The following DMAP1 variants were observed in gnomAD, a reference collection of about 807,000 sequenced individuals.
DMAP1 encodes the protein DNA methyltransferase 1-associated protein 1.
In DMAP1, 26 loss-of-function variants were observed where a neutral mutation model predicts 52.7. The observed-to-expected ratio is 0.49, with a 90% confidence interval of 0.36 to 0.68. The LOEUF (loss-of-function observed/expected upper bound fraction) is 0.68, where lower values mean the gene tolerates loss of function less well. Among genes scored for constraint, DMAP1 ranks in the 30% least tolerant of loss-of-function variants. The probability of loss-of-function intolerance (pLI) is 0.00; values close to 1 mark genes in which losing one functional copy is unlikely to be tolerated. For missense variants in DMAP1, 439 were observed against 625.2 expected (o/e 0.70, Z 3.18); for synonymous variants, 231 against 246.0 (o/e 0.94, Z 0.57).
intron 3 of DMAP1, chr1:44,216,936 C>T (rs1329148038): frequency 6.6e-6 from 1 of 152,136 alleles, no homozygotes; most frequent in Non-Finnish European, 1.5e-5. Context: ...CTAGAAGATG[C>T]TTTATCTTAG....
At chr1:44,220,483 C>A (rs1318061515) in intron 9 of DMAP1, 76 bp from the exon 10 acceptor site, 21 of 1,611,762 alleles carry the variant, frequency 1.3e-5, no homozygotes, top group Non-Finnish European at 1.6e-5. Context: ...TGTCCCTGAG[C>A]GTGTGAAGCA....
rs1477598004 is a variant in DMAP1, at chr1:44,214,633, C to T, written c.198-70C>T. ...TGCTATAGGGTAGGGTAGATCAGCT[C>T]CCTGGGACAAAAAGCTCTTTAACAC... On this transcript the variant is annotated intron_variant, in intron 2 of 9. Transcript: ENST00000372289. 13 of 1,613,210 alleles carry T rather than the reference C, an allele frequency of 8.1e-6. No homozygotes were observed. The Admixed American group carries it at 1.7e-4, about 21-fold the overall frequency.
At position 44,219,971 on chromosome 1, in the gene DMAP1, C is replaced by T. The variant is rs116432610; in HGVS notation, c.1052-46C>T. On this transcript the variant is annotated intron_variant, in intron 8 of 9. Coordinates refer to ENST00000372289, the MANE Select transcript of DMAP1 (RefSeq NM_019100.5). ...GAGGGGAGTTCACATTGCTGGCCCT[C>T]TACCACACCTGGGCTCTGCCCGTGC... The T allele has an allele frequency of 1.4e-3, 2,320 of 1,605,040 alleles. 22 individuals are homozygous for T. In the African/African-American group the frequency reaches 0.025, roughly 17 times the overall value.
Position 44,218,907 on chromosome 1 carries a change from C to T in DMAP1, c.721-149C>T. On this transcript the variant is annotated intron_variant, in intron 5 of 9. Coordinates refer to ENST00000372289, the MANE Select transcript of DMAP1 (RefSeq NM_019100.5). This position sits in a 1 kb window ranked among gnomAD's most constrained non-coding sequence, Gnocchi z 5.6. ...AAGCCCATTCCTACTTCTCATGGGC[C>T]ATCCCCCCTGCTTTTCATAGCCCTT... The T allele has an allele frequency of 7.2e-7, 1 of 1,390,184 alleles. No homozygotes were observed. The highest frequency in any genetic ancestry group is 2.4e-5 in the East Asian group (1 of 42,366). The allele number at this position is 1,390,184 out of a possible 1,614,324, so 86.1% of individuals were successfully genotyped here.
chr1:44,219,399 C>T lies in DMAP1; in HGVS notation c.907-7C>T. The T allele has an allele frequency of 6.3e-7, 1 of 1,578,054 alleles. No individual in the cohort carries two copies. The highest frequency in any genetic ancestry group is 8.6e-7 in the Non-Finnish European group (1 of 1,165,728). Reference sequence around the variant, plus strand: ...CACCTTGGTCTCCATAATGCCTTCTCCCCCAGGCTGTTCCTGAGACTGCAG... The same window carrying T: ...CACCTTGGTCTCCATAATGCCTTCTTCCCCAGGCTGTTCCTGAGACTGCAG... On this transcript the variant is annotated splice_polypyrimidine_tract_variant and splice_region_variant and intron_variant, in intron 6 of 9. Coordinates refer to ENST00000372289, the MANE Select transcript of DMAP1 (RefSeq NM_019100.5).
intron 2 of DMAP1, 88 bp from the exon 3 acceptor site, chr1:44,214,615 G>A (rs771493464): frequency 1.2e-6 from 2 of 1,613,352 alleles, no homozygotes; most frequent in Non-Finnish European, 1.7e-6. Flanking sequence ...TCTTGCTATA[G>A]GGTAGGGTAG....
Position 44,218,208 on chromosome 1 carries a change from G to C in DMAP1, c.394-103G>C, listed in dbSNP as rs747608953. 4 of 1,502,508 alleles carry C rather than the reference G, an allele frequency of 2.7e-6. No individual in the cohort carries two copies. The highest frequency in any genetic ancestry group is 1.7e-5 in the Admixed American group (1 of 59,860). 93.1% of individuals were successfully genotyped at this position (1,502,508 alleles called of 1,614,324 possible). Reference sequence around the variant, plus strand: ...TCCATGCTGCAGGGGCACAGGCCCAGGGTCTGGCAACAAACAGGAGCAGCT... The same window carrying C: ...TCCATGCTGCAGGGGCACAGGCCCACGGTCTGGCAACAAACAGGAGCAGCT... On this transcript the variant is annotated intron_variant, in intron 3 of 9. Coordinates refer to ENST00000372289, the MANE Select transcript of DMAP1 (RefSeq NM_019100.5). This position sits in a 1 kb window ranked among gnomAD's most constrained non-coding sequence, Gnocchi z 5.6.
At position 44,219,887 on chromosome 1, in the gene DMAP1, G is replaced by C; in HGVS notation, c.1051+9G>C. 1 of 1,614,174 alleles carries C rather than the reference G, an allele frequency of 6.2e-7. No homozygotes were observed. Among genetic ancestry groups the C allele is most frequent in the Non-Finnish European group, 8.5e-7 (1 of 1,180,032 alleles). On this transcript the variant is annotated intron_variant, in intron 8 of 9. Coordinates refer to ENST00000372289, the MANE Select transcript of DMAP1 (RefSeq NM_019100.5). The stretch of plus-strand genomic sequence containing the variant: ...GCTGGAGCTTGGTGTGGGTGAGTGT[G>C]GGGACTGGGCCCCATAGGGTGTACC...
At chr1:44,215,172 C>T (rs1440755604) in intron 3 of DMAP1, 1 of 588,418 alleles carries the variant, frequency 1.7e-6, no homozygotes, top group Admixed American at 2.2e-5. Flanking sequence ...CCTAGGTGCT[C>T]TAGTCTTCTT....
rs775842817 is a variant in DMAP1, at chr1:44,213,737, C to A, written c.-17C>A. The A allele has an allele frequency of 6.4e-7, 1 of 1,563,054 alleles. No individual in the cohort carries two copies. Among genetic ancestry groups the A allele is most frequent in the South Asian group, 1.2e-5 (1 of 84,660 alleles). ...CTGACCCTTGACCTCCGGTGGCTCC[C>A]CCATCTCTCAGGCGCGATGGCTACG... On this transcript the variant is annotated 5_prime_UTR_variant, in exon 1 of 10. Coordinates refer to ENST00000372289, the MANE Select transcript of DMAP1 (RefSeq NM_019100.5). The surrounding 1 kb of genome is among the most constrained non-coding windows in gnomAD (Gnocchi z 4.5).
chr1:44,218,204 C>T lies in DMAP1; in HGVS notation c.394-107C>T. 1.4e-6 allele frequency: 2 copies of T among 1,479,818 alleles called. No individual in the cohort carries two copies. Among genetic ancestry groups the T allele is most frequent in the Non-Finnish European group, 1.9e-6 (2 of 1,058,790 alleles). The allele number at this position is 1,479,818 out of a possible 1,614,324, so 91.7% of individuals were successfully genotyped here. ...TCACTCCATGCTGCAGGGGCACAGGCCCAGGGTCTGGCAACAAACAGGAGC... is the reference window on the plus strand; with the variant it reads ...TCACTCCATGCTGCAGGGGCACAGGTCCAGGGTCTGGCAACAAACAGGAGC... On this transcript the variant is annotated intron_variant, in intron 3 of 9. Transcript: ENST00000372289. The surrounding 1 kb of genome is among the most constrained non-coding windows in gnomAD (Gnocchi z 5.6).
In DMAP1 at chr1:44,215,145, G is replaced by C. The variant is rs1314721976; in HGVS notation, c.393+247G>C. On this transcript the variant is annotated intron_variant, in intron 3 of 9. Coordinates refer to ENST00000372289, the MANE Select transcript of DMAP1 (RefSeq NM_019100.5). ...TTTTCTTGGTCTTTCAAATGTTGCT[G>C]TTCCTCAGAGCTGTATCCTAGGTGC... 6 of 637,558 alleles carry C rather than the reference G, an allele frequency of 9.4e-6. No homozygotes were observed. The Admixed American group carries it at 1.0e-4, about 11-fold the overall frequency. The allele number at this position is 637,558 out of a possible 1,614,324, so 39.5% of individuals were successfully genotyped here.
At position 44,213,655 on chromosome 1, in the gene DMAP1, C is replaced by T. The variant is rs2154314098; in HGVS notation, c.-99C>T. ...CTTGGCCCGCCCCTTCAACTCGCCT[C>T]CGCTTAGGTCTGGATTGGCCCCGCC... is the stretch of plus-strand genomic sequence containing the variant. On this transcript the variant is annotated 5_prime_UTR_variant, in exon 1 of 10. Transcript: ENST00000372289. This position sits in a 1 kb window ranked among gnomAD's most constrained non-coding sequence, Gnocchi z 4.5. 1 of 1,116,454 alleles carries T rather than the reference C, an allele frequency of 9.0e-7. No homozygotes were observed. The highest frequency in any genetic ancestry group is 2.6e-5 in the East Asian group (1 of 38,580). The allele number at this position is 1,116,454 out of a possible 1,614,324, so 69.2% of individuals were successfully genotyped here. A position where few individuals can be genotyped will look rare whatever the true frequency, so the allele number is the denominator to read the frequency against.
In DMAP1 at chr1:44,219,466, C is replaced by A; in HGVS notation, c.967C>A (p.Arg323=). The part of the protein sequence containing the change: ...PDFKSAGVTL[R]SQRMKLPSSV... The stretch of plus-strand genomic sequence containing the variant: ...CTTCAAGTCTGCAGGTGTCACGCTG[C>A]GGAGCCAACGGGTACGTGAGTCACC... The change falls in exon 7 of 10, where the codon CGG becomes AGG. Residue 323 remains arginine, a synonymous_variant. Coordinates refer to ENST00000372289, the MANE Select transcript of DMAP1 (RefSeq NM_019100.5). The A allele has an allele frequency of 1.9e-6, 3 of 1,585,762 alleles. No individual in the cohort carries two copies. The South Asian group carries it at 3.5e-5, about 18-fold the overall frequency.
At chr1:44,214,494 A>G in intron 2 of DMAP1, 53 bp downstream of exon 2, 1 of 1,613,468 alleles carries the variant, frequency 6.2e-7, no homozygotes, top group Non-Finnish European at 8.5e-7. Context: ...TTCACCTGCC[A>G]TGCCCCTAAC....
chr1:44,214,152 T>G (rs570348212), intron 1 of DMAP1, among the ~76,000 whole-genome samples, 198 bp from the exon 2 acceptor site: 1 of 151,724 alleles, frequency 6.6e-6, no homozygotes, highest in East Asian at 1.9e-4. Context: ...AGTCTGAGAG[T>G]TGGTGGGATG....
At chr1:44,220,399 T>C (rs1024170222) in intron 9 of DMAP1, 90 bp downstream of exon 9, 2 of 1,528,356 alleles carry the variant, frequency 1.3e-6, no homozygotes, top group Non-Finnish European at 1.8e-6. Context: ...CTCTAGTGCC[T>C]GCAGCAGGAA....
chr1:44,213,935 G>C lies in DMAP1; in HGVS notation c.105+77G>C. 8 of 1,317,672 alleles carry C rather than the reference G, an allele frequency of 6.1e-6. No homozygotes were observed. The highest frequency in any genetic ancestry group is 8.5e-6 in the Non-Finnish European group (8 of 937,142). 81.6% of individuals were successfully genotyped at this position (1,317,672 alleles called of 1,614,324 possible). The stretch of plus-strand genomic sequence containing the variant: ...TGGGGAGGAGTGACAACGGGCAAGG[G>C]ATGGGTGCTACACTTACAGTGAGTT... On this transcript the variant is annotated intron_variant, in intron 1 of 9. Coordinates refer to ENST00000372289, the MANE Select transcript of DMAP1 (RefSeq NM_019100.5). The surrounding 1 kb of genome is among the most constrained non-coding windows in gnomAD (Gnocchi z 4.5).
chr1:44,218,203 GC>G lies in DMAP1; in HGVS notation c.394-105del. On this transcript the variant is annotated intron_variant, in intron 3 of 9. Coordinates refer to ENST00000372289, the MANE Select transcript of DMAP1 (RefSeq NM_019100.5). The surrounding 1 kb of genome is among the most constrained non-coding windows in gnomAD (Gnocchi z 5.6). ...CTCACTCCATGCTGCAGGGGCACAG[GC>G]CCAGGGTCTGGCAACAAACAGGAGC... 1 of 1,468,064 alleles carries G rather than the reference GC, an allele frequency of 6.8e-7. No homozygotes were observed. Among genetic ancestry groups the G allele is most frequent in the Non-Finnish European group, 9.5e-7 (1 of 1,048,314 alleles). The allele number at this position is 1,468,064 out of a possible 1,614,324, so 90.9% of individuals were successfully genotyped here.
Sources: gnomAD v4.1 joint callset for allele counts (sites outside exome capture counted in the v4.1 genomes callset) on GRCh38, gnomAD v4.1.1 for gene constraint, Gnocchi (gnomAD v3.1) non-coding constraint, MANE v1.5 for transcripts, NCBI Gene and HGNC (gene_info 2026-07-23, HGNC 2026-07-21) for gene names.